Variants in HUNK observed in about 807,000 individuals in gnomAD.
HUNK encodes hormonally up-regulated neu tumor-associated kinase.
A neutral mutation model predicts 61.0 loss-of-function variants in HUNK; 21 were observed. That is an observed-to-expected ratio of 0.34 (90% CI 0.24 to 0.50). HUNK has a LOEUF of 0.50. Ranked by LOEUF, HUNK falls within the 20% of genes least tolerant of loss-of-function variation. HUNK has a pLI of 0.98. For synonymous variants in HUNK, 371 were observed against 386.1 expected, an observed-to-expected ratio of 0.96 and a Z score of 0.46; for missense variants, 772 against 945.7, an observed-to-expected ratio of 0.82 and a Z score of 2.41.
intron 1 of HUNK, among the ~76,000 whole-genome samples, chr21:31,900,340 T>C (rs1029634054): frequency 1.3e-5 from 2 of 151,924 alleles, no homozygotes; most frequent in African/African-American, 2.4e-5. Context: ...TCTGTCTCCA[T>C]GTCACCTCTC....
chr21:31,985,462 G>A (rs1232038050), intron 8 of HUNK, among the ~76,000 whole-genome samples: 2 of 152,220 alleles, frequency 1.3e-5, no homozygotes, highest in African/African-American at 4.8e-5. Flanking sequence ...GTGCCCAGCT[G>A]CAGGACTCTG....
Position 31,924,530 on chromosome 21 carries a change from G to A in HUNK, c.324G>A (p.Leu108=). ...AGGACACCTATGTCACCAAAAACCT[G>A]CGGCGAGAGGGTCAGATCCAGCAGA... is the stretch of plus-strand genomic sequence containing the variant. The part of the protein sequence containing the change: ...AKKDTYVTKN[L]RREGQIQQMI... The change falls in exon 2 of 11, where the codon CTG becomes CTA. Residue 108 remains leucine, a synonymous_variant. Transcript: ENST00000270112. This position sits in a 1 kb window ranked among gnomAD's most constrained non-coding sequence, Gnocchi z 5.1. The A allele has an allele frequency of 6.2e-7, 1 of 1,614,172 alleles. No homozygotes were observed. Among genetic ancestry groups the A allele is most frequent in the Non-Finnish European group, 8.5e-7 (1 of 1,180,026 alleles).
At chr21:31,951,377 T>C (rs1601394553) in intron 4 of HUNK, among the ~76,000 whole-genome samples, 1 of 152,260 alleles carries the variant, frequency 6.6e-6, no homozygotes, top group African/African-American at 2.4e-5. Flanking sequence ...GCTTTTTAAT[T>C]GAAAAGAATC....
intron 6 of HUNK, among the ~76,000 whole-genome samples, 190 bp downstream of exon 6, chr21:31,968,575 T>C (rs147945710): frequency 1.7e-3 from 252 of 152,238 alleles, no homozygotes; most frequent in African/African-American, 5.7e-3. Context: ...CACCATGTGC[T>C]GTTATGCCGT....
At chr21:31,896,812 A>C (rs75864931) in intron 1 of HUNK, among the ~76,000 whole-genome samples, 3,673 of 152,326 alleles carry the variant, frequency 0.024, 142 homozygotes, top group African/African-American at 0.083. Context: ...TGTGAACCCA[A>C]AAGATTATTC....
chr21:31,993,228 G>A (rs1045577295), intron 9 of HUNK, among the ~76,000 whole-genome samples: 2 of 152,106 alleles, frequency 1.3e-5, no homozygotes, highest in Non-Finnish European at 2.9e-5. Context: ...AAACCCCCAC[G>A]CATTACACAC....
intron 7 of HUNK, among the ~76,000 whole-genome samples, chr21:31,977,856 A>G (rs1218018494): frequency 6.6e-6 from 1 of 152,162 alleles, no homozygotes; most frequent in Non-Finnish European, 1.5e-5. Flanking sequence ...GAGCCTGGGA[A>G]GTCGAGGCTA....
chr21:31,928,101 T>C (rs1195533033), intron 2 of HUNK, among the ~76,000 whole-genome samples: 2 of 152,228 alleles, frequency 1.3e-5, no homozygotes, highest in Non-Finnish European at 2.9e-5. Flanking sequence ...CCTGGCTCTG[T>C]CTTTGTTTAT....
At chr21:31,974,187 T>A (rs1267233231) in intron 6 of HUNK, 1 of 157,644 alleles carries the variant, frequency 6.3e-6, no homozygotes, top group Non-Finnish European at 1.4e-5. Flanking sequence ...TAGATGCTAT[T>A]AAGTGATTAT....
intron 4 of HUNK, among the ~76,000 whole-genome samples, chr21:31,948,863 T>A (rs59469919): frequency 0.078 from 11,860 of 151,938 alleles, 1,587 homozygotes; most frequent in African/African-American, 0.27. Context: ...CAGAATGAGA[T>A]GTGGAGAGAT....
At chr21:31,874,374 G>A (rs2123783065) in intron 1 of HUNK, among the ~76,000 whole-genome samples, 1 of 152,048 alleles carries the variant, frequency 6.6e-6, no homozygotes, top group Non-Finnish European at 1.5e-5. Flanking sequence ...GCCTCTGGGG[G>A]GAGCTTAGAG....
chr21:31,992,649 C>T (rs936075636), intron 9 of HUNK, among the ~76,000 whole-genome samples: 1 of 152,160 alleles, frequency 6.6e-6, no homozygotes, highest in Non-Finnish European at 1.5e-5. Flanking sequence ...GGCAGCCTTG[C>T]CGTGTGAGGA....
At chr21:31,953,514 G>A (rs192579709) in intron 4 of HUNK, among the ~76,000 whole-genome samples, 14 of 152,342 alleles carry the variant, frequency 9.2e-5, no homozygotes, top group Non-Finnish European at 1.5e-4. Flanking sequence ...GATTACAGGC[G>A]TGAGCCACTG....
In HUNK at chr21:31,939,737, A is replaced by T. The variant is rs113202767; in HGVS notation, c.555-428A>T. ...GTGTTGTTTTTTTTTTTTTTTTTTT[A>T]AATTGCTTCCCCAAATCTGATGTTG... On this transcript the variant is annotated intron_variant, in intron 2 of 10. Transcript: ENST00000270112. 1.7e-3 allele frequency among the ~76,000 whole-genome samples: 217 copies of T among 125,706 alleles called. 2 individuals carry two copies. Among genetic ancestry groups the T allele is most frequent in the African/African-American group, 4.3e-3 (147 of 33,946 alleles). The allele number at this position is 125,706 out of a possible 152,430, so 82.5% of individuals were successfully genotyped here.
intron 7 of HUNK, 117 bp downstream of exon 7, chr21:31,974,834 A>C: frequency 9.9e-7 from 1 of 1,007,256 alleles, no homozygotes; most frequent in Non-Finnish European, 1.4e-6. Context: ...ATCTAATGTG[A>C]GGCTGAGTTT....
At chr21:31,991,227 T>G (rs1044348170) in intron 9 of HUNK, among the ~76,000 whole-genome samples, 1 of 150,938 alleles carries the variant, frequency 6.6e-6, no homozygotes, top group Admixed American at 6.6e-5. Flanking sequence ...AACCCCACCT[T>G]TTTTTTTTGA....
At chr21:31,902,477 T>C (rs1007430038) in intron 1 of HUNK, among the ~76,000 whole-genome samples, 23 of 152,026 alleles carry the variant, frequency 1.5e-4, no homozygotes, top group African/African-American at 5.3e-4. Flanking sequence ...GCCATTGCAC[T>C]CCAGCCTGGG....
In HUNK at chr21:31,924,810, G is replaced by T. The variant is rs538121097; in HGVS notation, c.554+50G>T. 2 of 1,496,550 alleles carry T rather than the reference G, an allele frequency of 1.3e-6. No individual in the cohort carries two copies. Among genetic ancestry groups the T allele is most frequent in the Non-Finnish European group, 1.8e-6 (2 of 1,109,462 alleles). The allele number at this position is 1,496,550 out of a possible 1,614,324, so 92.7% of individuals were successfully genotyped here. On this transcript the variant is annotated intron_variant, in intron 2 of 10. Transcript: ENST00000270112. The surrounding 1 kb of genome is among the most constrained non-coding windows in gnomAD (Gnocchi z 5.1). ...TCGCTGACTGTGTGCTCCGTGGGTG[G>T]CACTGGGCTGTGGCACCCTCTGAGC...
chr21:31,892,148 TAAAAA>T lies in HUNK; in HGVS notation c.261+18224_261+18228del, dbSNP rs748197431. On this transcript the variant is annotated intron_variant, in intron 1 of 10. Coordinates refer to ENST00000270112, the MANE Select transcript of HUNK (RefSeq NM_014586.2). The stretch of plus-strand genomic sequence containing the variant: ...TCATGGTATTCAATGAGAATTTGGT[TAAAAA>T]AAAAAAAAAATATATATATATATAT... Among the ~76,000 whole-genome samples, 736 of 92,958 alleles carry T rather than the reference TAAAAA, an allele frequency of 7.9e-3. 5 individuals are homozygous for T. Among genetic ancestry groups the T allele is most frequent in the African/African-American group, 0.019 (453 of 23,396 alleles). 61.0% of individuals were successfully genotyped at this position (92,958 alleles called of 152,430 possible).
Sources: gnomAD v4.1 joint callset for allele counts (sites outside exome capture counted in the v4.1 genomes callset) on GRCh38, gnomAD v4.1.1 for gene constraint, Gnocchi (gnomAD v3.1) non-coding constraint, MANE v1.5 for transcripts, NCBI Gene and HGNC (gene_info 2026-07-23, HGNC 2026-07-21) for gene names.